Variants in GOLGA8A observed in about 807,000 individuals in gnomAD.
GOLGA8A encodes the protein golgin subfamily A member 8A.
GOLGA8A carries 3 observed loss-of-function variants against 22.1 expected under a neutral mutation model. That is an observed-to-expected ratio of 0.14 (90% confidence interval 0.06 to 0.35). The LOEUF (loss-of-function observed/expected upper bound fraction) is 0.35, where lower values mean the gene tolerates loss of function less well. Among genes scored for constraint, GOLGA8A ranks in the 10% least tolerant of loss-of-function variants. The pLI is 1.00. For missense variants in GOLGA8A, 16 were observed against 233.2 expected (o/e 0.07, Z 6.07); for synonymous variants, 7 against 91.7 (o/e 0.08, Z 5.28).
rs1323558585 is a variant in GOLGA8A, at chr15:34,425,047, G to A, written c.-1123+10336C>T. On this transcript the variant is annotated intron_variant, in intron 2 of 24. Coordinates refer to ENST00000359187, the MANE Select transcript of GOLGA8A (RefSeq NM_181077.5). ...GGCTGCAATGAGCCGTGTTCGCACC[G>A]CTGCAATCCAGCCTGGGTGACAAAG... Among the ~76,000 whole-genome samples, 8 of 146,714 alleles carry A rather than the reference G, an allele frequency of 5.5e-5. 2 individuals carry two copies. The highest frequency in any genetic ancestry group is 1.3e-4 in the African/African-American group (5 of 39,630).
At chr15:34,429,794 C>T (rs1272411928) in intron 2 of GOLGA8A, among the ~76,000 whole-genome samples, 2 of 147,406 alleles carry the variant, frequency 1.4e-5, no homozygotes, top group Non-Finnish European at 3.0e-5. Flanking sequence ...TACCTGCTCC[C>T]GGTTGTACCA....
rs560780146 is a variant in GOLGA8A, at chr15:34,435,901, GC to G, written c.-1211-431del. ...TTTATCTACTCACGCCCTGGACACTGCCCGGAGCCCCAGCAGGTTCCACGTG... is the reference window on the plus strand; with the variant it reads ...TTTATCTACTCACGCCCTGGACACTGCCGGAGCCCCAGCAGGTTCCACGTG... On this transcript the variant is annotated intron_variant, in intron 1 of 24. Transcript: ENST00000359187. Among the ~76,000 whole-genome samples the G allele has an allele frequency of 1.5e-4, 22 of 148,860 alleles. 2 individuals are homozygous for G. The highest frequency in any genetic ancestry group is 2.7e-4 in the Admixed American group (4 of 14,748).
chr15:34,397,712 G>GAT (rs1174767632), intron 8 of GOLGA8A, among the ~76,000 whole-genome samples: 1 of 129,184 alleles, frequency 7.7e-6, no homozygotes, highest in Admixed American at 7.8e-5. Context: ...CCGTAATCCT[G>GAT]ATATTCTCTT....
chr15:34,427,919 GA>G (rs1330194609), intron 2 of GOLGA8A, among the ~76,000 whole-genome samples: 1 of 148,544 alleles, frequency 6.7e-6, no homozygotes, highest in Non-Finnish European at 1.5e-5. Flanking sequence ...CCCACTGCCC[GA>G]TGTGTCATGG....
At chr15:34,418,120 G>T in intron 2 of GOLGA8A, 1 of 60,694 alleles carries the variant, frequency 1.6e-5, no homozygotes, top group Non-Finnish European at 3.3e-5. Flanking sequence ...TGTAGTAACT[G>T]TAGATTCTTT....
intron 2 of GOLGA8A, among the ~76,000 whole-genome samples, chr15:34,431,127 G>T (rs1893209861): frequency 6.7e-6 from 1 of 148,208 alleles, no homozygotes; most frequent in African/African-American, 2.5e-5. Flanking sequence ...TGAAACAATG[G>T]ATTTTTCCAA....
rs1891474734 is a variant in GOLGA8A at position 34,381,257 on chromosome 15, T to C, written c.*154A>G. ...ACAGAGACCCACTCTCTTTTAACTT[T>C]TTACAAATAAACTTAAACTATAAAT... On this transcript the variant is annotated 3_prime_UTR_variant, in exon 25 of 25. Coordinates refer to ENST00000359187, the MANE Select transcript of GOLGA8A (RefSeq NM_181077.5). The C allele has an allele frequency of 9.0e-7, 1 of 1,115,010 alleles. No individual in the cohort carries two copies. Among genetic ancestry groups the C allele is most frequent in the African/African-American group, 1.5e-5 (1 of 66,050 alleles). 69.1% of individuals were successfully genotyped at this position (1,115,010 alleles called of 1,614,324 possible). A position where few individuals can be genotyped will look rare whatever the true frequency, so the allele number is the denominator to read the frequency against.
At chr15:34,436,351 T>C (rs778778496) in intron 1 of GOLGA8A, among the ~76,000 whole-genome samples, 1 of 149,658 alleles carries the variant, frequency 6.7e-6, no homozygotes, top group Non-Finnish European at 1.5e-5. Context: ...AGAGGCAGTT[T>C]AGCCCAAAAA....
chr15:34,436,064 C>G (rs1893494104), intron 1 of GOLGA8A, among the ~76,000 whole-genome samples: 1 of 148,862 alleles, frequency 6.7e-6, no homozygotes, highest in African/African-American at 2.5e-5. Flanking sequence ...ACTCCCCGGA[C>G]TGGGAAACCC....
chr15:34,435,888 C>T (rs1435354798), intron 1 of GOLGA8A, among the ~76,000 whole-genome samples: 1 of 149,064 alleles, frequency 6.7e-6, no homozygotes, highest in South Asian at 2.2e-4. Context: ...TATCTACTCA[C>T]GCCCTGGACA....
chr15:34,428,652 G>GT (rs1893088991), intron 2 of GOLGA8A: 1 of 147,752 alleles, frequency 6.8e-6, no homozygotes, highest in Non-Finnish European at 1.5e-5. Context: ...ACATTATCAC[G>GT]TAAGAAATGT....
chr15:34,431,337 A>ATCTCTCTCTC (rs1385683475), intron 2 of GOLGA8A, among the ~76,000 whole-genome samples: 4 of 99,286 alleles, frequency 4.0e-5, no homozygotes, highest in African/African-American at 1.5e-4. Context: ...ATATATATAT[A>ATCTCTCTCTC]TATATATATC....
At chr15:34,430,008 C>T (rs349633) in intron 2 of GOLGA8A, among the ~76,000 whole-genome samples, 50,154 of 146,702 alleles carry the variant, frequency 0.34, 11,905 homozygotes, top group East Asian at 0.5. Context: ...GGGTCCCCCA[C>T]GGCAGCTCCC....
chr15:34,434,747 TGACCTACATCTG>T (rs1893420341), intron 2 of GOLGA8A, among the ~76,000 whole-genome samples: 1 of 149,324 alleles, frequency 6.7e-6, no homozygotes, highest in Non-Finnish European at 1.5e-5. Context: ...GTCTCAAACC[TGACCTACATCTG>T]GGAGGCCTGC....
At chr15:34,429,635 A>T (rs1261342518) in intron 2 of GOLGA8A, among the ~76,000 whole-genome samples, 2 of 148,740 alleles carry the variant, frequency 1.3e-5, no homozygotes, top group Non-Finnish European at 3.0e-5. Flanking sequence ...AACCCCTTCC[A>T]TGCCCTTCCT....
At position 34,379,194 on chromosome 15, in the gene GOLGA8A, A is replaced by C. The variant is rs1429706006; in HGVS notation, c.*2217T>G. On this transcript the variant is annotated 3_prime_UTR_variant, in exon 25 of 25. Coordinates refer to ENST00000359187, the MANE Select transcript of GOLGA8A (RefSeq NM_181077.5). ...TGTTAACAAGAACTCATACATTGGT[A>C]AAATTCATTCTAAGAAAACTTGGCA... 3 of 152,670 alleles carry C rather than the reference A, an allele frequency of 2.0e-5. No individual in the cohort carries two copies. The highest frequency in any genetic ancestry group is 2.9e-5 in the Non-Finnish European group (2 of 68,036). The allele number at this position is 152,670 out of a possible 1,614,324, so 9.5% of individuals were successfully genotyped here. A position where few individuals can be genotyped will look rare whatever the true frequency, so the allele number is the denominator to read the frequency against.
At chr15:34,428,683 G>A (rs1893089747) in intron 2 of GOLGA8A, 1 of 147,526 alleles carries the variant, frequency 6.8e-6, no homozygotes, top group Non-Finnish European at 1.5e-5. Context: ...GCAGCCCCCA[G>A]AGGATGAACA....
In GOLGA8A at chr15:34,430,996, A is replaced by C. The variant is rs1225828139; in HGVS notation, c.-1123+4387T>G. Among the ~76,000 whole-genome samples the C allele has an allele frequency of 2.4e-5, 3 of 124,086 alleles. 1 individual carries two copies. Among genetic ancestry groups the C allele is most frequent in the Non-Finnish European group, 5.3e-5 (3 of 56,568 alleles). 81.4% of individuals were successfully genotyped at this position (124,086 alleles called of 152,430 possible). On this transcript the variant is annotated intron_variant, in intron 2 of 24. Coordinates refer to ENST00000359187, the MANE Select transcript of GOLGA8A (RefSeq NM_181077.5). ...GCACATGGCTCACTTATTACACCAA[A>C]AGACTGAGAAACAGAAACTGTGTTT... is the stretch of plus-strand genomic sequence containing the variant.
intron 1 of GOLGA8A, 62 bp downstream of exon 1, chr15:34,437,336 G>C (rs1188168521): frequency 7.1e-6 from 1 of 141,686 alleles, no homozygotes; most frequent in Non-Finnish European, 1.6e-5. Context: ...TCCCCGCGGC[G>C]CCGCGGGCGG....
Sources: gnomAD v4.1 joint callset for allele counts (sites outside exome capture counted in the v4.1 genomes callset) on GRCh38, gnomAD v4.1.1 for gene constraint, MANE v1.5 for transcripts, NCBI Gene and HGNC (gene_info 2026-07-23, HGNC 2026-07-21) for gene names.